SIL1: variants seen among roughly 807,000 people sequenced by gnomAD.
The protein encoded by SIL1 is nucleotide exchange factor SIL1.
SIL1 carries 40 observed loss-of-function variants against 49.1 expected under a neutral mutation model. The observed-to-expected ratio is 0.81, with a 90% CI of 0.63 to 1.06. The LOEUF is 1.06. SIL1 is among the 50% of genes least tolerant of loss of function. The pLI, the probability that SIL1 is intolerant of heterozygous loss-of-function variation, is 0.00. For synonymous variants in SIL1, 253 were observed against 250.8 expected (o/e 1.01, Z -0.08); for missense variants, 500 against 572.6 (o/e 0.87, Z 1.29).
chr5:138,963,093 T>A (rs1021841777), intron 7 of SIL1, among the ~76,000 whole-genome samples: 2 of 152,186 alleles, frequency 1.3e-5, no homozygotes, highest in African/African-American at 4.8e-5. Flanking sequence ...GAGGATGTTA[T>A]TTTAGGTCTT....
chr5:139,136,107 CT>C (rs1750969936), intron 1 of SIL1, among the ~76,000 whole-genome samples: 1 of 152,020 alleles, frequency 6.6e-6, no homozygotes, highest in Admixed American at 6.6e-5. Flanking sequence ...AGCAGAGTGA[CT>C]GAATAAAAAG....
In SIL1 at chr5:138,948,199, T is replaced by G. The variant is rs367827600; in HGVS notation, c.1030-726A>C. 9.8e-5 allele frequency among the ~76,000 whole-genome samples: 15 copies of G among 152,296 alleles called. No individual in the cohort carries two copies. In the East Asian group the frequency reaches 2.7e-3, roughly 27 times the overall value. ...AGCCCAGGAGAAGAGGAGGCCACAG[T>G]GGACCACCTGTGCTTCCTGCGGCAG... On this transcript the variant is annotated intron_variant, in intron 9 of 9. Transcript: ENST00000394817. The surrounding 1 kb of genome is among the most constrained non-coding windows in gnomAD (Gnocchi z 4.8).
chr5:138,995,198 T>C (rs1561819581), intron 7 of SIL1, among the ~76,000 whole-genome samples: 1 of 152,216 alleles, frequency 6.6e-6, no homozygotes, highest in East Asian at 1.9e-4. Flanking sequence ...TTCATATAAT[T>C]TGTAAATATC....
intron 3 of SIL1, among the ~76,000 whole-genome samples, chr5:139,085,533 G>A (rs905425674): frequency 1.3e-5 from 2 of 152,180 alleles, no homozygotes; most frequent in Non-Finnish European, 2.9e-5. Context: ...AGAGCAGTGG[G>A]AATGGAAATA....
intron 1 of SIL1, among the ~76,000 whole-genome samples, chr5:139,157,882 G>A (rs1484504612): frequency 1.3e-5 from 2 of 152,262 alleles, no homozygotes; most frequent in East Asian, 1.9e-4. Flanking sequence ...AGTACCCAGA[G>A]TTCTACTTTT....
At chr5:139,189,455 T>C (rs994712133) in intron 1 of SIL1, among the ~76,000 whole-genome samples, 3 of 152,214 alleles carry the variant, frequency 2.0e-5, no homozygotes, top group African/African-American at 7.2e-5. Context: ...ACCGTCTAGT[T>C]GCAGGAAAAC....
chr5:139,063,105 G>A (rs145445553), intron 3 of SIL1, among the ~76,000 whole-genome samples: 1 of 152,366 alleles, frequency 6.6e-6, no homozygotes, highest in East Asian at 1.9e-4. Flanking sequence ...TTGGCAGGCT[G>A]TTATCATTGT....
chr5:139,142,910 A>G (rs1751108806), intron 1 of SIL1, among the ~76,000 whole-genome samples: 1 of 152,072 alleles, frequency 6.6e-6, no homozygotes, highest in Non-Finnish European at 1.5e-5. Context: ...CTGGGACTAC[A>G]GGTGCCCGCC....
In SIL1 at chr5:138,948,232, T is replaced by A. The variant is rs1251969503; in HGVS notation, c.1030-759A>T. The stretch of plus-strand genomic sequence containing the variant: ...CTGTGCTTCCTGCGGCAGCAGGAAG[T>A]CGTGGGGCTGATTGGGGCTGGCAGA... On this transcript the variant is annotated intron_variant, in intron 9 of 9. Coordinates refer to ENST00000394817, the MANE Select transcript of SIL1 (RefSeq NM_022464.5). The surrounding 1 kb of genome is among the most constrained non-coding windows in gnomAD (Gnocchi z 4.8). Among the ~76,000 whole-genome samples the A allele has an allele frequency of 6.6e-6, 1 of 152,074 alleles. No individual in the cohort carries two copies. The highest frequency in any genetic ancestry group is 1.5e-5 in the Non-Finnish European group (1 of 67,988).
At chr5:139,197,959 G>A (rs1035684191) in intron 1 of SIL1, among the ~76,000 whole-genome samples, 8 of 152,312 alleles carry the variant, frequency 5.3e-5, no homozygotes, top group African/African-American at 7.2e-5. Flanking sequence ...AACTTAGGCT[G>A]GGAGAATGAA....
Position 138,951,342 on chromosome 5 carries a change from G to A in SIL1, c.865-7C>T, listed in dbSNP as rs141796576. The stretch of plus-strand genomic sequence containing the variant: ...AGCACAGTGCAAACAGGACCTGGGG[G>A]CACAGACCCAGGGGTAGGTGAGGGG... On this transcript the variant is annotated splice_region_variant and splice_polypyrimidine_tract_variant and intron_variant, in intron 8 of 9. Coordinates refer to ENST00000394817, the MANE Select transcript of SIL1 (RefSeq NM_022464.5). 1.9e-4 allele frequency: 292 copies of A among 1,552,346 alleles called. 1 individual carries two copies. The African/African-American group carries it at 3.7e-3, about 20-fold the overall frequency.
At chr5:139,042,851 A>G (rs1769076629) in intron 4 of SIL1, 132 bp from the exon 5 acceptor site, 1 of 803,948 alleles carries the variant, frequency 1.2e-6, no homozygotes, top group Non-Finnish European at 2.1e-6. Flanking sequence ...ATTTAAAAAT[A>G]TTAGTTAGGA....
intron 3 of SIL1, among the ~76,000 whole-genome samples, chr5:139,100,312 T>C (rs1770558570): frequency 6.6e-6 from 1 of 152,144 alleles, no homozygotes; most frequent in African/African-American, 2.4e-5. Context: ...TAGAAGAACA[T>C]TCTAGGTCCC....
chr5:139,131,320 C>G (rs898944309), intron 1 of SIL1, among the ~76,000 whole-genome samples: 4 of 152,132 alleles, frequency 2.6e-5, no homozygotes, highest in Admixed American at 2.0e-4. Flanking sequence ...CACATTCCTC[C>G]CTGCTTCACC....
chr5:139,048,668 C>A (rs1430394425), intron 4 of SIL1, among the ~76,000 whole-genome samples: 3 of 152,114 alleles, frequency 2.0e-5, no homozygotes. Context: ...CTGTACCCGG[C>A]CCCTAACTCA....
intron 7 of SIL1, among the ~76,000 whole-genome samples, chr5:139,007,996 C>T (rs1300977756): frequency 6.6e-6 from 1 of 151,908 alleles, no homozygotes; most frequent in African/African-American, 2.4e-5. Flanking sequence ...AGGGAGGATT[C>T]CCTCTTTTTC....
At chr5:138,972,757 T>G (rs1301532687) in intron 7 of SIL1, among the ~76,000 whole-genome samples, 2 of 152,236 alleles carry the variant, frequency 1.3e-5, no homozygotes, top group South Asian at 2.1e-4. Flanking sequence ...TTCACAACTA[T>G]TAAACTTGGA....
chr5:139,121,200 C>T, intron 2 of SIL1, 27 bp from the exon 3 acceptor site: 1 of 1,613,892 alleles, frequency 6.2e-7, no homozygotes, highest in Non-Finnish European at 8.5e-7. Context: ...CAGGGCATGA[C>T]CCACTGCAAC....
chr5:139,125,258 A>G (rs1750730481), intron 2 of SIL1, among the ~76,000 whole-genome samples: 1 of 152,218 alleles, frequency 6.6e-6, no homozygotes, highest in African/African-American at 2.4e-5. Flanking sequence ...ACGCTGGATC[A>G]TCAGTGCTCT....
Sources: gnomAD v4.1 joint callset for allele counts (sites outside exome capture counted in the v4.1 genomes callset) on GRCh38, gnomAD v4.1.1 for gene constraint, Gnocchi (gnomAD v3.1) non-coding constraint, MANE v1.5 for transcripts, NCBI Gene and HGNC (gene_info 2026-07-23, HGNC 2026-07-21) for gene names.